ULK4: variants seen among roughly 807,000 people sequenced by gnomAD.
The protein encoded by ULK4 is inactive serine/threonine-protein kinase ULK4.
Under a neutral mutation model 160.6 loss-of-function variants are expected in ULK4, and 133 were observed. The observed-to-expected ratio is 0.83, with a 90% CI of 0.72 to 0.96. The LOEUF (loss-of-function observed/expected upper bound fraction) is 0.96, where lower values mean the gene tolerates loss of function less well. Ranked by LOEUF, ULK4 falls within the 40% of genes least tolerant of loss-of-function variation. ULK4 has a pLI of 0.00. For missense variants in ULK4, 1,580 were observed against 1,499.5 expected, an observed-to-expected ratio of 1.05 and a Z score of -0.89; for synonymous variants, 534 against 539.8, an observed-to-expected ratio of 0.99 and a Z score of 0.15.
chr3:41,595,459 A>T (rs1281675057), intron 31 of ULK4, among the ~76,000 whole-genome samples: 1 of 152,250 alleles, frequency 6.6e-6, no homozygotes, highest in African/African-American at 2.4e-5. Flanking sequence ...CTAATAAAAG[A>T]ATATTTGAAG....
chr3:41,763,774 G>A (rs1362540908), intron 21 of ULK4, among the ~76,000 whole-genome samples: 1 of 152,236 alleles, frequency 6.6e-6, no homozygotes, highest in Non-Finnish European at 1.5e-5. Flanking sequence ...ATTAGAGACT[G>A]TCAAATGGCT....
Position 41,260,275 on chromosome 3 carries a change from G to A in ULK4, c.3679-10701C>T, listed in dbSNP as rs141347681. ...CGGCATGATGCAATCTGGCAGGCCCGCCTTCATTTTCTACCTGGTGTTGCA... is the reference window on the plus strand; with the variant it reads ...CGGCATGATGCAATCTGGCAGGCCCACCTTCATTTTCTACCTGGTGTTGCA... On this transcript the variant is annotated intron_variant, in intron 35 of 36. Coordinates refer to ENST00000301831, the MANE Select transcript of ULK4 (RefSeq NM_017886.4). Among the ~76,000 whole-genome samples, 226 of 152,264 alleles carry A rather than the reference G, an allele frequency of 1.5e-3. 1 individual carries two copies. Among genetic ancestry groups the A allele is most frequent in the Non-Finnish European group, 2.1e-3 (141 of 68,016 alleles).
At chr3:41,788,346 A>G (rs1476245070) in intron 21 of ULK4, among the ~76,000 whole-genome samples, 1 of 152,194 alleles carries the variant, frequency 6.6e-6, no homozygotes, top group Non-Finnish European at 1.5e-5. Flanking sequence ...CCACACTTCT[A>G]AGCAGTGTTA....
chr3:41,535,189 C>T (rs1248375432), intron 32 of ULK4, among the ~76,000 whole-genome samples: 3 of 152,148 alleles, frequency 2.0e-5, no homozygotes, highest in African/African-American at 7.2e-5. Flanking sequence ...GGTTTTCTTC[C>T]AGGGTGTTCA....
At chr3:41,294,727 C>T (rs2079636870) in intron 35 of ULK4, among the ~76,000 whole-genome samples, 1 of 151,722 alleles carries the variant, frequency 6.6e-6, no homozygotes, top group Non-Finnish European at 1.5e-5. Flanking sequence ...TTAGCTAATG[C>T]AATAACAAGA....
chr3:41,627,358 C>T (rs2033563135), intron 30 of ULK4, among the ~76,000 whole-genome samples: 2 of 152,062 alleles, frequency 1.3e-5, no homozygotes, highest in Admixed American at 1.3e-4. Context: ...TGGAGCTGCC[C>T]CATCTTAGGT....
intron 25 of ULK4, among the ~76,000 whole-genome samples, chr3:41,711,311 C>G (rs1384388304): frequency 2.0e-5 from 3 of 151,986 alleles, no homozygotes; most frequent in Non-Finnish European, 2.9e-5. Context: ...AGCAGGGGAG[C>G]AAAAAAGACC....
chr3:41,817,031 G>C (rs2040988818), intron 19 of ULK4, among the ~76,000 whole-genome samples: 1 of 152,008 alleles, frequency 6.6e-6, no homozygotes, highest in Non-Finnish European at 1.5e-5. Context: ...GAGCAGGGGA[G>C]AGAAGACACA....
chr3:41,758,543 T>C (rs1316695127), intron 21 of ULK4, among the ~76,000 whole-genome samples: 1 of 152,184 alleles, frequency 6.6e-6, no homozygotes, highest in Non-Finnish European at 1.5e-5. Context: ...TAAAACTTGA[T>C]GACCAAGTGA....
intron 22 of ULK4, among the ~76,000 whole-genome samples, chr3:41,728,885 T>C (rs1172136831): frequency 6.6e-6 from 1 of 152,182 alleles, no homozygotes; most frequent in Non-Finnish European, 1.5e-5. Context: ...ATCCACTTGA[T>C]ATATAATCAC....
intron 21 of ULK4, among the ~76,000 whole-genome samples, chr3:41,777,597 C>T (rs1242341791): frequency 6.0e-5 from 5 of 83,464 alleles, no homozygotes; most frequent in South Asian, 4.4e-4. Context: ...GCTTTGAATG[C>T]GTCCCAGAGA....
intron 32 of ULK4, among the ~76,000 whole-genome samples, chr3:41,546,869 G>A (rs1437703945): frequency 6.7e-6 from 1 of 149,914 alleles, no homozygotes; most frequent in African/African-American, 2.5e-5. Context: ...TATGTTAAAA[G>A]ATGTTTTCCT....
intron 24 of ULK4, 32 bp from the exon 25 acceptor site, chr3:41,715,325 C>T: frequency 6.2e-7 from 1 of 1,612,540 alleles, no homozygotes; most frequent in Non-Finnish European, 8.5e-7. Flanking sequence ...AGATTAAATT[C>T]TGGAAGCTAT....
At chr3:41,643,308 G>A (rs1224521249) in intron 30 of ULK4, among the ~76,000 whole-genome samples, 4 of 151,946 alleles carry the variant, frequency 2.6e-5, no homozygotes, top group East Asian at 1.9e-4. Flanking sequence ...TTTCTTCTAC[G>A]GTTTTTATGG....
intron 18 of ULK4, among the ~76,000 whole-genome samples, chr3:41,833,099 T>C (rs754593591): frequency 2.0e-5 from 3 of 152,200 alleles, no homozygotes; most frequent in Non-Finnish European, 4.4e-5. Context: ...GGAAATAGCA[T>C]TGAATCTATA....
intron 32 of ULK4, among the ~76,000 whole-genome samples, chr3:41,550,530 C>A (rs537565310): frequency 9.2e-5 from 14 of 151,864 alleles, no homozygotes; most frequent in Non-Finnish European, 1.6e-4. Context: ...ACAGTCAAAA[C>A]ACGAAAAAGA....
chr3:41,551,292 A>ATTT (rs2087053849), intron 32 of ULK4, among the ~76,000 whole-genome samples: 1 of 151,890 alleles, frequency 6.6e-6, no homozygotes, highest in Non-Finnish European at 1.5e-5. Flanking sequence ...TTAGAACTAA[A>ATTT]AAGAAAAAGA....
chr3:41,349,636 T>C lies in ULK4; in HGVS notation c.3678+48443A>G, dbSNP rs115728611. Among the ~76,000 whole-genome samples the C allele has an allele frequency of 2.6e-3, 391 of 152,298 alleles. 1 individual carries two copies. The highest frequency in any genetic ancestry group is 9.0e-3 in the African/African-American group (373 of 41,562). Reference sequence around the variant, plus strand: ...ACAGTTTCTAAATCCCTGCCCCTCCTGTAGAACTGAACTCTAGAAAAGGCA... The same window carrying C: ...ACAGTTTCTAAATCCCTGCCCCTCCCGTAGAACTGAACTCTAGAAAAGGCA... On this transcript the variant is annotated intron_variant, in intron 35 of 36. Coordinates refer to ENST00000301831, the MANE Select transcript of ULK4 (RefSeq NM_017886.4).
intron 33 of ULK4, among the ~76,000 whole-genome samples, chr3:41,460,028 C>T (rs2083646789): frequency 6.6e-6 from 1 of 152,040 alleles, no homozygotes; most frequent in Non-Finnish European, 1.5e-5. Context: ...ATGGTGAAGG[C>T]CAACGAGGGG....
Sources: gnomAD v4.1 joint callset for allele counts (sites outside exome capture counted in the v4.1 genomes callset) on GRCh38, gnomAD v4.1.1 for gene constraint, MANE v1.5 for transcripts, NCBI Gene and HGNC (gene_info 2026-07-23, HGNC 2026-07-21) for gene names.